Variants in SRPK2 observed in about 807,000 individuals in gnomAD.
The protein encoded by SRPK2 is SFRS protein kinase 2.
A neutral mutation model predicts 90.8 loss-of-function variants in SRPK2; 21 were observed. That is an observed-to-expected ratio of 0.23 (90% CI 0.16 to 0.33). SRPK2 has a LOEUF of 0.33. Among genes scored for constraint, SRPK2 ranks in the 10% least tolerant of loss-of-function variants. The pLI is 1.00. For synonymous variants in SRPK2, 288 were observed against 311.1 expected (o/e 0.93, Z 0.78); for missense variants, 620 against 869.0 (o/e 0.71, Z 3.60).
chr7:105,154,660 T>C (rs1040754296), intron 7 of SRPK2, among the ~76,000 whole-genome samples: 3 of 152,180 alleles, frequency 2.0e-5, no homozygotes, highest in African/African-American at 7.2e-5. Flanking sequence ...AATATCTACT[T>C]CATAAAATCT....
chr7:105,365,428 G>A (rs943657597), intron 2 of SRPK2, among the ~76,000 whole-genome samples: 1 of 148,182 alleles, frequency 6.7e-6, no homozygotes, highest in Non-Finnish European at 1.5e-5. Flanking sequence ...GGAGATTGCA[G>A]TGAGCCGAGA....
intron 10 of SRPK2, 79 bp downstream of exon 10, chr7:105,143,005 G>A: frequency 6.5e-7 from 1 of 1,530,642 alleles, no homozygotes; most frequent in South Asian, 1.3e-5. Context: ...GCACAAATCA[G>A]CCCCCATGTT....
At position 105,205,496 on chromosome 7, in the gene SRPK2, TTCTC is replaced by T. The variant is rs57970307; in HGVS notation, c.72-1715_72-1712del. Among the ~76,000 whole-genome samples the T allele has an allele frequency of 7.1e-3, 975 of 137,720 alleles. 7 individuals carry two copies. The highest frequency in any genetic ancestry group is 0.019 in the Admixed American group (257 of 13,872). The allele number at this position is 137,720 out of a possible 152,430, so 90.3% of individuals were successfully genotyped here. A position where few individuals can be genotyped will look rare whatever the true frequency, so the allele number is the denominator to read the frequency against. On this transcript the variant is annotated intron_variant, in intron 2 of 15. Transcript: ENST00000393651. ...GAGCCCTGAAAGAGAATAATATTCA[TTCTC>T]TCTCTCTCTCTCTCTCTCACACACA...
At chr7:105,238,798 T>A (rs542333701) in intron 2 of SRPK2, among the ~76,000 whole-genome samples, 3 of 152,288 alleles carry the variant, frequency 2.0e-5, no homozygotes, top group African/African-American at 7.2e-5. Flanking sequence ...AGTAGGAAAT[T>A]AGAAATGAAC....
chr7:105,327,067 C>CAAAAAA (rs11350866), intron 2 of SRPK2, among the ~76,000 whole-genome samples: 1 of 123,310 alleles, frequency 8.1e-6, no homozygotes. Context: ...AACTCCGTAT[C>CAAAAAA]AAAAAAAAAA....
intron 3 of SRPK2, among the ~76,000 whole-genome samples, chr7:105,184,434 G>A (rs1469361212): frequency 1.3e-5 from 2 of 151,982 alleles, no homozygotes; most frequent in African/African-American, 2.4e-5. Context: ...CCAAATACAC[G>A]ATCTTTCAAG....
At chr7:105,289,322 A>G (rs1808634984) in intron 2 of SRPK2, among the ~76,000 whole-genome samples, 2 of 152,086 alleles carry the variant, frequency 1.3e-5, no homozygotes. Flanking sequence ...TTCCAGTCAC[A>G]TCATTATGTA....
intron 1 of SRPK2, among the ~76,000 whole-genome samples, chr7:105,395,753 T>C (rs1298106634): frequency 6.6e-6 from 1 of 152,014 alleles, no homozygotes; most frequent in Non-Finnish European, 1.5e-5. Context: ...AAAAAGAACT[T>C]AAAGCTATCT....
At chr7:105,227,132 T>C (rs899715487) in intron 2 of SRPK2, among the ~76,000 whole-genome samples, 1 of 151,966 alleles carries the variant, frequency 6.6e-6, no homozygotes, top group Non-Finnish European at 1.5e-5. Context: ...TCAAACCAAG[T>C]AACAAAGCAA....
rs60676837 is a variant in SRPK2 at position 105,385,491 on chromosome 7, A to T, written c.71+3157T>A. Among the ~76,000 whole-genome samples, 426 of 152,198 alleles carry T rather than the reference A, an allele frequency of 2.8e-3. 10 individuals are homozygous for T. The East Asian group carries it at 0.055, about 20-fold the overall frequency. On this transcript the variant is annotated intron_variant, in intron 2 of 15. Transcript: ENST00000393651. ...GCGCCCGGACAGCAGCCCTCTTTTTAAACAGGAATCAGAACCTGTCCCTTC... is the reference window on the plus strand; with the variant it reads ...GCGCCCGGACAGCAGCCCTCTTTTTTAACAGGAATCAGAACCTGTCCCTTC...
chr7:105,179,824 CAAAAAAAAAAAAA>C (rs1185836588), intron 3 of SRPK2, among the ~76,000 whole-genome samples: 2 of 60,268 alleles, frequency 3.3e-5, no homozygotes, highest in Admixed American at 2.7e-4. Context: ...GAGTCCATCT[CAAAAAAAAAAAAA>C]AAAAAAAAAA....
At chr7:105,196,750 T>C (rs543409806) in intron 3 of SRPK2, among the ~76,000 whole-genome samples, 12 of 152,270 alleles carry the variant, frequency 7.9e-5, no homozygotes, top group African/African-American at 2.6e-4. Flanking sequence ...TGCTTTTTTT[T>C]CCTTAAAAAA....
intron 2 of SRPK2, among the ~76,000 whole-genome samples, chr7:105,248,016 G>A (rs1312683748): frequency 6.6e-6 from 1 of 151,874 alleles, no homozygotes; most frequent in Non-Finnish European, 1.5e-5. Flanking sequence ...CACCACACCC[G>A]ATTAATTCTG....
rs182426327 is a variant in SRPK2 at position 105,364,733 on chromosome 7, T to A, written c.71+23915A>T. Among the ~76,000 whole-genome samples the A allele has an allele frequency of 3.3e-5, 5 of 152,176 alleles. No homozygotes were observed. The East Asian group carries it at 9.7e-4, about 29-fold the overall frequency. ...TAAAGGTCCTTAAGGCTCCCTGATG[T>A]AGAAGCTAAATTAGAGACATTGTGT... On this transcript the variant is annotated intron_variant, in intron 2 of 15. Transcript: ENST00000393651.
intron 3 of SRPK2, among the ~76,000 whole-genome samples, chr7:105,195,552 AT>A (rs551646063): frequency 6.6e-6 from 1 of 152,218 alleles, no homozygotes; most frequent in South Asian, 2.1e-4. Flanking sequence ...TCTACCATCA[AT>A]TTTTAGTTTC....
chr7:105,279,276 G>A (rs1198960126), intron 2 of SRPK2, among the ~76,000 whole-genome samples: 3 of 141,252 alleles, frequency 2.1e-5, no homozygotes, highest in Non-Finnish European at 4.8e-5. Flanking sequence ...GTAGTCTCAG[G>A]CTGGTTAGGT....
At position 105,167,523 on chromosome 7, in the gene SRPK2, A is replaced by C. The variant is rs531835080; in HGVS notation, c.427-59T>G. 7 of 1,175,658 alleles carry C rather than the reference A, an allele frequency of 6.0e-6. No homozygotes were observed. The South Asian group carries it at 7.4e-5, about 12-fold the overall frequency. 72.8% of individuals were successfully genotyped at this position (1,175,658 alleles called of 1,614,324 possible). A position where few individuals can be genotyped will look rare whatever the true frequency, so the allele number is the denominator to read the frequency against. Reference sequence around the variant, plus strand: ...AGTTTGAGACAAAGCATGTTTTCCCATTATAACACCAATACTGTTTAAATA... The same window carrying C: ...AGTTTGAGACAAAGCATGTTTTCCCCTTATAACACCAATACTGTTTAAATA... On this transcript the variant is annotated intron_variant, in intron 5 of 15. Coordinates refer to ENST00000393651, the MANE Select transcript of SRPK2 (RefSeq NM_182692.3).
chr7:105,282,240 A>T (rs1417694392), intron 2 of SRPK2, among the ~76,000 whole-genome samples: 1 of 152,218 alleles, frequency 6.6e-6, no homozygotes, highest in Non-Finnish European at 1.5e-5. Context: ...CTCTTCAGCA[A>T]ATGGTGATAG....
intron 2 of SRPK2, among the ~76,000 whole-genome samples, chr7:105,271,349 A>G (rs192262397): frequency 6.5e-4 from 99 of 152,356 alleles, no homozygotes; most frequent in Non-Finnish European, 1.8e-4. Context: ...CCCAAACCAA[A>G]GAGGATTCTA....
Sources: allele counts gnomAD v4.1 joint callset (sites outside exome capture counted in the v4.1 genomes callset), GRCh38; gene constraint gnomAD v4.1.1; transcripts MANE v1.5; gene names NCBI Gene and HGNC (gene_info 2026-07-23, HGNC 2026-07-21).